The following ADGRL2 variants were observed in gnomAD, a reference collection of about 807,000 sequenced individuals.
ADGRL2 encodes the protein adhesion G protein-coupled receptor L2, also known as calcium-independent alpha-latrotoxin receptor 2.
In ADGRL2, 44 loss-of-function variants were observed where a neutral mutation model predicts 157.4. The observed-to-expected ratio is 0.28, with a 90% CI of 0.22 to 0.36. ADGRL2 has a LOEUF of 0.36. Ranked by LOEUF, ADGRL2 falls within the 10% of genes least tolerant of loss-of-function variation. The probability of loss-of-function intolerance (pLI) is 1.00; values close to 1 mark genes in which losing one functional copy is unlikely to be tolerated. For missense variants in ADGRL2, 1,510 were observed against 1,768.9 expected, an observed-to-expected ratio of 0.85 and a Z score of 2.63; for synonymous variants, 585 against 624.7, an observed-to-expected ratio of 0.94 and a Z score of 0.95.
chr1:81,403,747 C>T (rs1023258599), intron 1 of ADGRL2, among the ~76,000 whole-genome samples: 6 of 151,522 alleles, frequency 4.0e-5, no homozygotes, highest in Non-Finnish European at 8.8e-5. Context: ...TTATCTACCA[C>T]TCTTCCTAGG....
intron 3 of ADGRL2, among the ~76,000 whole-genome samples, chr1:81,616,569 A>C (rs2081650820): frequency 1.3e-5 from 2 of 151,466 alleles, no homozygotes; most frequent in Admixed American, 1.3e-4. Flanking sequence ...TACTAATTCC[A>C]AGTGTTCAGC....
intron 2 of ADGRL2, among the ~76,000 whole-genome samples, chr1:81,784,636 G>A (rs2086952998): frequency 1.3e-5 from 2 of 150,424 alleles, no homozygotes; most frequent in Non-Finnish European, 2.9e-5. Context: ...GCTGAGGCAC[G>A]AGAATCACTT....
chr1:81,420,078 A>G (rs1367428815), intron 1 of ADGRL2, among the ~76,000 whole-genome samples: 1 of 152,206 alleles, frequency 6.6e-6, no homozygotes, highest in African/African-American at 2.4e-5. Context: ...AAAAAAGGAA[A>G]ATCAGAAAAA....
intron 2 of ADGRL2, among the ~76,000 whole-genome samples, chr1:81,479,893 C>T (rs1228758498): frequency 6.6e-6 from 1 of 152,194 alleles, no homozygotes; most frequent in South Asian, 2.1e-4. Flanking sequence ...CTCAAAATCA[C>T]ACTTTTATTA....
intron 7 of ADGRL2, 140 bp from the exon 8 acceptor site, chr1:81,950,878 C>T (rs1185435514): frequency 3.2e-6 from 2 of 625,142 alleles, no homozygotes; most frequent in Non-Finnish European, 2.9e-6. Flanking sequence ...TTATACCCTA[C>T]TTTTTGTCAC....
chr1:81,879,898 G>T (rs1278549622), intron 2 of ADGRL2, among the ~76,000 whole-genome samples: 1 of 152,042 alleles, frequency 6.6e-6, no homozygotes, highest in Non-Finnish European at 1.5e-5. Context: ...TTGTTGGCAC[G>T]CACCTGTAAT....
At chr1:81,468,843 TA>T (rs1395394140) in intron 2 of ADGRL2, among the ~76,000 whole-genome samples, 5 of 152,150 alleles carry the variant, frequency 3.3e-5, no homozygotes, top group Non-Finnish European at 7.3e-5. Flanking sequence ...AGTATGTTAA[TA>T]TACTGAGATG....
intron 3 of ADGRL2, among the ~76,000 whole-genome samples, chr1:81,591,196 C>G (rs1220290326): frequency 1.3e-5 from 2 of 152,154 alleles, no homozygotes; most frequent in Non-Finnish European, 2.9e-5. Context: ...TCTCTTCCAA[C>G]AAGAGAAAAG....
At chr1:81,319,159 C>G (rs181162154) in intron 1 of ADGRL2, among the ~76,000 whole-genome samples, 1 of 151,368 alleles carries the variant, frequency 6.6e-6, no homozygotes, top group African/African-American at 2.4e-5. Context: ...GTTGGTCAGG[C>G]TGGTCTTGAA....
intron 1 of ADGRL2, among the ~76,000 whole-genome samples, chr1:81,807,526 G>A (rs1043714224): frequency 6.6e-6 from 1 of 151,892 alleles, no homozygotes; most frequent in African/African-American, 2.4e-5. Context: ...GATTGGCCAG[G>A]TAGTGATTAT....
At chr1:81,399,229 C>T (rs1300515762) in intron 1 of ADGRL2, among the ~76,000 whole-genome samples, 7 of 152,136 alleles carry the variant, frequency 4.6e-5, no homozygotes, top group Non-Finnish European at 1.0e-4. Flanking sequence ...GGGAAATCCA[C>T]CCCTGTGATC....
At position 81,407,475 on chromosome 1, in the gene ADGRL2, T is replaced by A. The variant is rs552418836; in HGVS notation, c.-301-37561T>A. The stretch of plus-strand genomic sequence containing the variant: ...GCTGGAGACTGCCCACTGTTACACA[T>A]CATTATCATTCAGATCATGAAAGAA... On this transcript the variant is annotated intron_variant, in intron 1 of 24. Coordinates refer to the ADGRL2 transcript ENST00000370721. Among the ~76,000 whole-genome samples, 20 of 152,372 alleles carry A rather than the reference T, an allele frequency of 1.3e-4. No homozygotes were observed. In the South Asian group the frequency reaches 3.7e-3, roughly 28 times the overall value.
At chr1:81,467,791 T>C (rs2078091091) in intron 2 of ADGRL2, among the ~76,000 whole-genome samples, 1 of 151,926 alleles carries the variant, frequency 6.6e-6, no homozygotes, top group South Asian at 2.1e-4. Context: ...AAATGTAAGG[T>C]TGGTGTTTGC....
At chr1:81,557,686 C>T (rs906010755) in intron 2 of ADGRL2, 1 of 152,160 alleles carries the variant, frequency 6.6e-6, no homozygotes, top group South Asian at 2.1e-4. Context: ...GCATGCATCG[C>T]AGGATAACTC....
At chr1:81,390,396 A>G (rs1310993189) in intron 1 of ADGRL2, among the ~76,000 whole-genome samples, 2 of 152,298 alleles carry the variant, frequency 1.3e-5, no homozygotes, top group Admixed American at 1.3e-4. Context: ...AAAGGCACGA[A>G]CCAAATATTA....
intron 1 of ADGRL2, among the ~76,000 whole-genome samples, chr1:81,370,903 C>A (rs1357611576): frequency 1.3e-5 from 2 of 152,016 alleles, no homozygotes; most frequent in Admixed American, 1.3e-4. Flanking sequence ...ACATATTAGG[C>A]CTTTCCTTTG....
chr1:81,964,174 T>C (rs1250122944), intron 11 of ADGRL2, among the ~76,000 whole-genome samples: 1 of 152,064 alleles, frequency 6.6e-6, no homozygotes, highest in Non-Finnish European at 1.5e-5. Flanking sequence ...CTCTAATAAG[T>C]AAATTTCTGT....
intron 2 of ADGRL2, among the ~76,000 whole-genome samples, chr1:81,508,739 A>G (rs2079024219): frequency 6.6e-6 from 1 of 152,218 alleles, no homozygotes; most frequent in South Asian, 2.1e-4. Context: ...GAACATAGGA[A>G]TCACACACGA....
At chr1:81,642,234 C>A (rs954001336) in intron 3 of ADGRL2, among the ~76,000 whole-genome samples, 4 of 133,544 alleles carry the variant, frequency 3.0e-5, no homozygotes, top group Admixed American at 8.7e-5. Context: ...GGCGACAGAG[C>A]GAGACTCTGT....
Sources: allele counts gnomAD v4.1 joint callset (sites outside exome capture counted in the v4.1 genomes callset), GRCh38; gene constraint gnomAD v4.1.1; transcripts MANE v1.5; gene names NCBI Gene and HGNC (gene_info 2026-07-23, HGNC 2026-07-21).